SERAC1: variants seen among roughly 807,000 people sequenced by gnomAD.
SERAC1 encodes protein SERAC1.
In SERAC1, 36 loss-of-function variants were observed where a neutral mutation model predicts 85.7. The observed-to-expected ratio is 0.42, with a 90% CI of 0.32 to 0.55. The LOEUF (loss-of-function observed/expected upper bound fraction) is 0.55, where lower values mean the gene tolerates loss of function less well. Ranked by LOEUF, SERAC1 falls within the 20% of genes least tolerant of loss-of-function variation. The pLI is 0.11. For synonymous variants in SERAC1, 242 were observed against 265.3 expected (o/e 0.91, Z 0.85); for missense variants, 629 against 796.2 (o/e 0.79, Z 2.53).
At chr6:158,125,058 C>T (rs1003300499) in intron 10 of SERAC1, among the ~76,000 whole-genome samples, 3 of 152,146 alleles carry the variant, frequency 2.0e-5, no homozygotes, top group Non-Finnish European at 2.9e-5. Context: ...TTAAATGTCA[C>T]ACGACTGTTC....
At chr6:158,142,738 G>A (rs996917169) in intron 8 of SERAC1, among the ~76,000 whole-genome samples, 11 of 152,098 alleles carry the variant, frequency 7.2e-5, no homozygotes, top group East Asian at 1.9e-4. Context: ...GCCTCCCAAC[G>A]TGCTGGGACC....
Position 158,130,588 on chromosome 6 carries a change from T to C in SERAC1, c.739-102A>G, listed in dbSNP as rs1784651050. On this transcript the variant is annotated intron_variant, in intron 8 of 16. Transcript: ENST00000647468. ...TGTACTAATAGATGGTGTTAGAAAA[T>C]ACTAATGTGTAGGGCCTCAAAATAT... 4.5e-6 allele frequency: 3 copies of C among 673,044 alleles called. 1 individual carries two copies. The East Asian group carries it at 9.0e-5, about 20-fold the overall frequency. 41.7% of individuals were successfully genotyped at this position (673,044 alleles called of 1,614,324 possible).
At chr6:158,139,330 CAA>C (rs1235758605) in intron 8 of SERAC1, among the ~76,000 whole-genome samples, 5 of 152,124 alleles carry the variant, frequency 3.3e-5, no homozygotes, top group African/African-American at 9.7e-5. Flanking sequence ...CCAGAATATA[CAA>C]AGAGTTCTTA....
rs796275337 is a variant in SERAC1, at chr6:158,143,244, T to C, written c.610-60A>G. ...CTCAACAACTGAGTACAACAAAAAATATCCAAAGACTCAAAGCCAATATTT... is the reference window on the plus strand; with the variant it reads ...CTCAACAACTGAGTACAACAAAAAACATCCAAAGACTCAAAGCCAATATTT... On this transcript the variant is annotated intron_variant, in intron 7 of 16. Coordinates refer to ENST00000647468, the MANE Select transcript of SERAC1 (RefSeq NM_032861.4). The C allele has an allele frequency of 8.9e-6, 14 of 1,580,228 alleles. No homozygotes were observed. In the African/African-American group the frequency reaches 1.9e-4, roughly 22 times the overall value.
intron 8 of SERAC1, among the ~76,000 whole-genome samples, chr6:158,138,762 G>T (rs1784853736): frequency 6.6e-6 from 1 of 152,030 alleles, no homozygotes; most frequent in African/African-American, 2.4e-5. Context: ...GAAAAGCAGG[G>T]GCATAAGAAT....
intron 10 of SERAC1, among the ~76,000 whole-genome samples, chr6:158,124,750 C>A (rs186860832): frequency 0.057 from 2,071 of 36,084 alleles, 22 homozygotes; most frequent in Non-Finnish European, 0.093. Context: ...TGCTGGAAAA[C>A]ACACACACAC....
At position 158,146,779 on chromosome 6, in the gene SERAC1, T is replaced by C. The variant is rs1295496199; in HGVS notation, c.487+3A>G. 6.2e-7 allele frequency: 1 copy of C among 1,613,308 alleles called. No individual in the cohort carries two copies. Among genetic ancestry groups the C allele is most frequent in the South Asian group, 1.1e-5 (1 of 91,068 alleles). ...ATGCCACCTGTTCAGGTAGTCTCAT[T>C]ACCATGCCAGTGATGGGTCTCCGAC... On this transcript the variant is annotated splice_donor_region_variant and intron_variant, in intron 6 of 16. Transcript: ENST00000647468.
rs182812584 is a variant in SERAC1, at chr6:158,156,350, T to G, written c.92-999A>C. Among the ~76,000 whole-genome samples the G allele has an allele frequency of 1.4e-3, 207 of 152,128 alleles. 1 individual carries two copies. The highest frequency in any genetic ancestry group is 4.7e-3 in the African/African-American group (196 of 41,480). On this transcript the variant is annotated intron_variant, in intron 2 of 16. Coordinates refer to ENST00000647468, the MANE Select transcript of SERAC1 (RefSeq NM_032861.4). ...AAAAATATTCAAATTCCTAGACAAC[T>G]CTGTAGCTAGGGCTAACAGTGTAAC...
intron 15 of SERAC1, 87 bp downstream of exon 15, chr6:158,114,702 A>AATACATTCAAGGAATATAAAATGAGATT: frequency 3.1e-6 from 5 of 1,591,350 alleles, no homozygotes; most frequent in Non-Finnish European, 4.3e-6. Flanking sequence ...AAAATGAGAT[A>AATACATTCAAGGAATATAAAATGAGATT]ATACATTCAA....
At chr6:158,146,632 G>A (rs559208083) in intron 6 of SERAC1, 150 bp downstream of exon 6, 1 of 873,192 alleles carries the variant, frequency 1.1e-6, no homozygotes, top group Admixed American at 2.5e-5. Context: ...GGTGGGTCTT[G>A]AACTCCTGAC....
chr6:158,129,318 C>CT (rs1416168549), intron 9 of SERAC1, among the ~76,000 whole-genome samples: 1 of 152,204 alleles, frequency 6.6e-6, no homozygotes. Flanking sequence ...CTACACATGG[C>CT]TTTTAAGCCA....
chr6:158,115,007 C>CTATT (rs758267603), intron 14 of SERAC1, 36 bp from the exon 15 acceptor site: 3 of 1,574,874 alleles, frequency 1.9e-6, no homozygotes, highest in East Asian at 4.5e-5. Context: ...AATGCATAAG[C>CTATT]TATTTTCCTT....
At chr6:158,139,008 A>G (rs906946974) in intron 8 of SERAC1, among the ~76,000 whole-genome samples, 1 of 152,154 alleles carries the variant, frequency 6.6e-6, no homozygotes, top group South Asian at 2.1e-4. Context: ...CCTGGGTTCA[A>G]GTGATCCTCC....
At chr6:158,148,340 A>G (rs1464718481) in intron 5 of SERAC1, among the ~76,000 whole-genome samples, 3 of 152,224 alleles carry the variant, frequency 2.0e-5, no homozygotes, top group Non-Finnish European at 4.4e-5. Context: ...AGAATAGGGT[A>G]TATTTTATCT....
In SERAC1 at chr6:158,109,615, C is replaced by T. The variant is rs1784096277; in HGVS notation, c.*1751G>A. The T allele has an allele frequency of 6.6e-6, 1 of 152,180 alleles. No homozygotes were observed. Among genetic ancestry groups the T allele is most frequent in the Non-Finnish European group, 1.5e-5 (1 of 68,040 alleles). 9.4% of individuals were successfully genotyped at this position (152,180 alleles called of 1,614,324 possible). On this transcript the variant is annotated 3_prime_UTR_variant, in exon 17 of 17. Transcript: ENST00000647468. ...TCATTCTACAAAAGTTCACCATCTT[C>T]AAAATTTAAACATAGACTTACCATT...
intron 3 of SERAC1, among the ~76,000 whole-genome samples, chr6:158,154,503 T>C (rs1785280256): frequency 6.6e-6 from 1 of 152,216 alleles, no homozygotes. Context: ...TTTCGGCATC[T>C]GAGAGTTAAT....
chr6:158,151,846 G>A (rs1785212274), intron 3 of SERAC1, among the ~76,000 whole-genome samples: 1 of 151,594 alleles, frequency 6.6e-6, no homozygotes, highest in Admixed American at 6.6e-5. Flanking sequence ...AAGTCAAAAA[G>A]TTTTTCAAAA....
At chr6:158,130,704 T>C (rs906343537) in intron 8 of SERAC1, among the ~76,000 whole-genome samples, 1 of 152,224 alleles carries the variant, frequency 6.6e-6, no homozygotes, top group African/African-American at 2.4e-5. Flanking sequence ...ACCTGTGTCC[T>C]CGTCAAGTCT....
chr6:158,138,030 A>C (rs1014904175), intron 8 of SERAC1, among the ~76,000 whole-genome samples: 1 of 152,192 alleles, frequency 6.6e-6, no homozygotes, highest in Non-Finnish European at 1.5e-5. Flanking sequence ...TAAAACACAC[A>C]AACACATGAT....
Sources: allele counts gnomAD v4.1 joint callset (sites outside exome capture counted in the v4.1 genomes callset), GRCh38; gene constraint gnomAD v4.1.1; transcripts MANE v1.5; gene names NCBI Gene and HGNC (gene_info 2026-07-23, HGNC 2026-07-21).